PEAK1: variants seen among roughly 807,000 people sequenced by gnomAD.
PEAK1 encodes inactive tyrosine-protein kinase PEAK1.
In PEAK1, 54 loss-of-function variants were observed where a neutral mutation model predicts 124.7. The ratio of observed to expected loss-of-function variants is 0.43; its 90% CI spans 0.35 to 0.54. The LOEUF is 0.54. Among genes scored for constraint, PEAK1 ranks in the 20% least tolerant of loss-of-function variants. PEAK1 has a pLI of 0.01. For missense variants in PEAK1, 2,046 were observed against 2,134.5 expected (o/e 0.96, Z 0.82); for synonymous variants, 719 against 760.0 (o/e 0.95, Z 0.89).
chr15:77,128,810 T>C (rs918563591), intron 9 of PEAK1, among the ~76,000 whole-genome samples: 2 of 152,206 alleles, frequency 1.3e-5, no homozygotes, highest in African/African-American at 4.8e-5. Context: ...CACCCATATC[T>C]GATTTAGATG....
At chr15:77,417,812 T>A in intron 1 of PEAK1, 1 of 985,448 alleles carries the variant, frequency 1.0e-6, no homozygotes, top group Non-Finnish European at 1.2e-6. Flanking sequence ...AGAAGAGTTA[T>A]TATATGAAAT....
chr15:77,216,479 T>G (rs898356754), intron 6 of PEAK1, among the ~76,000 whole-genome samples: 1 of 152,240 alleles, frequency 6.6e-6, no homozygotes, highest in Non-Finnish European at 1.5e-5. Context: ...ATCAACTTTA[T>G]AGTAAAGCTT....
chr15:77,327,070 T>C (rs115547780), intron 2 of PEAK1, among the ~76,000 whole-genome samples: 3,436 of 152,228 alleles, frequency 0.023, 110 homozygotes, highest in African/African-American at 0.072. Flanking sequence ...TTTCTGATAC[T>C]TACCTGCTTT....
chr15:77,192,337 A>T (rs182290000), intron 6 of PEAK1, among the ~76,000 whole-genome samples: 2 of 152,356 alleles, frequency 1.3e-5, no homozygotes, highest in African/African-American at 4.8e-5. Context: ...TGGACCATGA[A>T]GGATGGGAAC....
chr15:77,356,005 A>C, intron 2 of PEAK1: 2 of 904,942 alleles, frequency 2.2e-6, no homozygotes, highest in Non-Finnish European at 2.6e-6. Flanking sequence ...AGAACTACTA[A>C]AGTTCTATTT....
At chr15:77,141,352 G>A (rs947923571) in intron 8 of PEAK1, among the ~76,000 whole-genome samples, 20 of 152,164 alleles carry the variant, frequency 1.3e-4, no homozygotes, top group Non-Finnish European at 8.8e-5. Flanking sequence ...TGTAAGACTT[G>A]TACTTTGAAA....
intron 6 of PEAK1, among the ~76,000 whole-genome samples, chr15:77,189,011 G>A (rs1171930515): frequency 6.6e-6 from 1 of 152,022 alleles, no homozygotes; most frequent in Non-Finnish European, 1.5e-5. Flanking sequence ...GACCAGCCTG[G>A]CCAACATGGT....
Position 77,216,793 on chromosome 15 carries a change from C to T in PEAK1, c.-114-34753G>A, listed in dbSNP as rs76726399. Among the ~76,000 whole-genome samples the T allele has an allele frequency of 5.2e-3, 791 of 152,216 alleles. 9 individuals are homozygous for T. Among genetic ancestry groups the T allele is most frequent in the African/African-American group, 0.017 (704 of 41,516 alleles). ...AAAGTTGAGCAAACTTGCCACTCAA[C>T]GGGGGCCAAAACCATTACTCCTAGA... On this transcript the variant is annotated intron_variant, in intron 6 of 9. Transcript: ENST00000682557.
chr15:77,352,882 T>C, intron 2 of PEAK1: 1 of 985,304 alleles, frequency 1.0e-6, no homozygotes, highest in Non-Finnish European at 1.2e-6. Context: ...TAGTGAAGGA[T>C]CAATGTGTGG....
rs2050910422 is a variant in PEAK1 at position 77,110,335 on chromosome 15, TGCCCACCTC to T, written c.*3812_*3820del. The stretch of plus-strand genomic sequence containing the variant: ...CTCAAACTCCTGACCTCAGGTGATC[TGCCCACCTC>T]GCCCTCCTAAAGTGTTGGGATTACA... On this transcript the variant is annotated 3_prime_UTR_variant, in exon 10 of 10. Transcript: ENST00000682557. 6.6e-6 allele frequency: 1 copy of T among 152,228 alleles called. No individual in the cohort carries two copies. The highest frequency in any genetic ancestry group is 1.5e-5 in the Non-Finnish European group (1 of 68,074). 9.4% of individuals were successfully genotyped at this position (152,228 alleles called of 1,614,324 possible).
chr15:77,277,962 A>G (rs2062425862), intron 5 of PEAK1, among the ~76,000 whole-genome samples: 1 of 152,228 alleles, frequency 6.6e-6, no homozygotes, highest in Non-Finnish European at 1.5e-5. Context: ...CCAAACCCAT[A>G]GAATGTACAA....
At chr15:77,151,132 G>T (rs867366528) in intron 8 of PEAK1, among the ~76,000 whole-genome samples, 25 of 152,252 alleles carry the variant, frequency 1.6e-4, no homozygotes, top group African/African-American at 5.1e-4. Flanking sequence ...CCCACCAACA[G>T]TGTAAAAGTG....
rs2054984197 is a variant in PEAK1 at position 77,154,880 on chromosome 15, T to G, written c.3331+3623A>C. Among the ~76,000 whole-genome samples, 9 of 152,254 alleles carry G rather than the reference T, an allele frequency of 5.9e-5. No homozygotes were observed. The South Asian group carries it at 1.9e-3, about 32-fold the overall frequency. On this transcript the variant is annotated intron_variant, in intron 8 of 9. Transcript: ENST00000682557. Reference sequence around the variant, plus strand: ...GCTGTTAGTCTGATGGGCTTCCCTTTGTGGGTAACCCGACCTTTCTCTCTG... The same window carrying G: ...GCTGTTAGTCTGATGGGCTTCCCTTGGTGGGTAACCCGACCTTTCTCTCTG...
At chr15:77,145,601 T>G (rs1390270128) in intron 8 of PEAK1, among the ~76,000 whole-genome samples, 1 of 152,176 alleles carries the variant, frequency 6.6e-6, no homozygotes, top group Non-Finnish European at 1.5e-5. Context: ...AGGAGTAGCA[T>G]GATTTCCTGG....
intron 5 of PEAK1, among the ~76,000 whole-genome samples, chr15:77,256,494 T>C (rs2061141937): frequency 6.6e-6 from 1 of 152,052 alleles, no homozygotes; most frequent in Non-Finnish European, 1.5e-5. Context: ...AATCATAAAG[T>C]AAGGGTTGTC....
intron 2 of PEAK1, among the ~76,000 whole-genome samples, chr15:77,364,949 C>A (rs1211039406): frequency 9.2e-5 from 14 of 152,088 alleles, no homozygotes; most frequent in Admixed American, 9.2e-4. Flanking sequence ...AAAATTCACT[C>A]AAAAGTATTT....
intron 2 of PEAK1, among the ~76,000 whole-genome samples, chr15:77,304,005 G>A (rs2063930071): frequency 6.6e-6 from 1 of 152,192 alleles, no homozygotes; most frequent in Non-Finnish European, 1.5e-5. Context: ...CTATATTCAT[G>A]TGAATTTATC....
chr15:77,323,470 G>A (rs933527378), intron 2 of PEAK1, among the ~76,000 whole-genome samples: 1 of 152,152 alleles, frequency 6.6e-6, no homozygotes, highest in Admixed American at 6.6e-5. Flanking sequence ...AAAATCACAA[G>A]CATTCTTATA....
intron 7 of PEAK1, among the ~76,000 whole-genome samples, chr15:77,175,445 T>C (rs79656049): frequency 0.25 from 36,276 of 145,778 alleles, 4,735 homozygotes; most frequent in Non-Finnish European, 0.34. Context: ...GGGCAAAGGA[T>C]ATGAACAGAC....
Sources: gnomAD v4.1 joint callset for allele counts (sites outside exome capture counted in the v4.1 genomes callset) on GRCh38, gnomAD v4.1.1 for gene constraint, MANE v1.5 for transcripts, NCBI Gene and HGNC (gene_info 2026-07-23, HGNC 2026-07-21) for gene names.